The following SRPK1 variants were observed in gnomAD, a reference collection of about 807,000 sequenced individuals.
SRPK1 encodes the protein SRSF protein kinase 1.
In SRPK1, 52 loss-of-function variants were observed where a neutral mutation model predicts 89.5. That is an observed-to-expected ratio of 0.58 (90% CI 0.46 to 0.73). The LOEUF is 0.73. SRPK1 is among the 30% of genes least tolerant of loss of function. SRPK1 has a pLI of 0.00. For synonymous variants in SRPK1, 255 were observed against 270.2 expected (o/e 0.94, Z 0.55); for missense variants, 603 against 780.6 (o/e 0.77, Z 2.71).
rs542305561 is a variant in SRPK1, at chr6:35,840,470, T to TA, written c.1691-2042dup. ...AAAATAAGAATACTAAGGAAAAACT[T>TA]AGACTATAATTTCTAAGAGAGCTTC... On this transcript the variant is annotated intron_variant, in intron 14 of 15. Transcript: ENST00000373825. 1.4e-3 allele frequency among the ~76,000 whole-genome samples: 209 copies of TA among 152,314 alleles called. 3 individuals carry two copies. The highest frequency in any genetic ancestry group is 4.6e-3 in the African/African-American group (193 of 41,578).
chr6:35,854,577 G>A (rs1469293483), intron 13 of SRPK1, among the ~76,000 whole-genome samples: 4 of 152,140 alleles, frequency 2.6e-5, no homozygotes, highest in Non-Finnish European at 5.9e-5. Flanking sequence ...ATTCTGACAT[G>A]TGAGTGGGTC....
At chr6:35,901,914 G>T (rs902867630) in intron 2 of SRPK1, among the ~76,000 whole-genome samples, 1 of 152,002 alleles carries the variant, frequency 6.6e-6, no homozygotes, top group Non-Finnish European at 1.5e-5. Flanking sequence ...TGGAACTAGG[G>T]TCTAACAATA....
At chr6:35,906,855 C>T (rs937678085) in intron 2 of SRPK1, among the ~76,000 whole-genome samples, 1 of 152,102 alleles carries the variant, frequency 6.6e-6, no homozygotes, top group Non-Finnish European at 1.5e-5. Context: ...CTCTAATGGA[C>T]TAAACCACAA....
At position 35,842,738 on chromosome 6, in the gene SRPK1, A is replaced by C. The variant is rs191826119; in HGVS notation, c.1621-134T>G. The C allele has an allele frequency of 9.5e-4, 496 of 520,380 alleles. 1 individual carries two copies. Among genetic ancestry groups the C allele is most frequent in the Non-Finnish European group, 8.7e-4 (273 of 312,476 alleles). The allele number at this position is 520,380 out of a possible 1,614,324, so 32.2% of individuals were successfully genotyped here. On this transcript the variant is annotated intron_variant, in intron 13 of 15. Coordinates refer to ENST00000373825, the MANE Select transcript of SRPK1 (RefSeq NM_003137.5). ...CTTATAGATCATTTAAAAAAAAAAA[A>C]AAACAAAAACTTAAGATTATTCCTA...
intron 2 of SRPK1, chr6:35,919,919 C>T: frequency 2.2e-5 from 8 of 371,930 alleles, no homozygotes; most frequent in South Asian, 1.6e-4. Context: ...CGGCACACTG[C>T]AAAAAAGCCG....
At chr6:35,875,773 T>C (rs1488476568) in intron 6 of SRPK1, among the ~76,000 whole-genome samples, 1 of 152,092 alleles carries the variant, frequency 6.6e-6, no homozygotes, top group Non-Finnish European at 1.5e-5. Flanking sequence ...GAAAAAGGAT[T>C]GTCACAGTGT....
chr6:35,919,686 CA>C (rs1157623871), intron 2 of SRPK1, among the ~76,000 whole-genome samples: 2 of 152,124 alleles, frequency 1.3e-5, no homozygotes, highest in Non-Finnish European at 2.9e-5. Flanking sequence ...AGGCTGTGAC[CA>C]ACTTTTGAAC....
At position 35,870,351 on chromosome 6, in the gene SRPK1, T is replaced by C. The variant is rs769751829; in HGVS notation, c.921A>G (p.Glu307=). The C allele has an allele frequency of 6.2e-6, 10 of 1,612,794 alleles. No homozygotes were observed. Among genetic ancestry groups the C allele is most frequent in the Non-Finnish European group, 5.9e-6 (7 of 1,179,390 alleles). Residue 307 remains glutamate, a synonymous_variant, in exon 10 of 16, where the codon GAA becomes GAG. Coordinates refer to ENST00000373825, the MANE Select transcript of SRPK1 (RefSeq NM_003137.5). ...GPGQKRPNKQ[E]ESESPVERPL... ...GTCTTTCAACAGGACTCTCTGATTC[T>C]TCTTGCTTGTTTGGTCTTTTTTGCC...
intron 14 of SRPK1, 138 bp downstream of exon 14, chr6:35,842,397 T>C: frequency 1.9e-6 from 1 of 529,080 alleles, no homozygotes; most frequent in African/African-American, 2.0e-5. Context: ...AAAATGTCTT[T>C]TATATTTCTA....
At chr6:35,862,907 G>A (rs1365609035) in intron 12 of SRPK1, among the ~76,000 whole-genome samples, 1 of 152,162 alleles carries the variant, frequency 6.6e-6, no homozygotes, top group African/African-American at 2.4e-5. Context: ...GCTCACATCT[G>A]TAATCCTAGC....
At chr6:35,835,681 G>A (rs1015883940) in intron 15 of SRPK1, among the ~76,000 whole-genome samples, 193 bp from the exon 16 acceptor site, 1 of 151,806 alleles carries the variant, frequency 6.6e-6, no homozygotes, top group African/African-American at 2.4e-5. Context: ...TTCTTCATAC[G>A]GCTCCAAAAA....
intron 3 of SRPK1, among the ~76,000 whole-genome samples, chr6:35,889,923 C>T (rs932780833): frequency 4.0e-5 from 6 of 149,410 alleles, no homozygotes; most frequent in Non-Finnish European, 7.4e-5. Context: ...ACGGTGAAAC[C>T]CTGTGTCTAC....
In SRPK1 at chr6:35,842,726, T is replaced by TAA. The variant is rs1190520802; in HGVS notation, c.1621-124_1621-123dup. 813 of 381,068 alleles carry TAA rather than the reference T, an allele frequency of 2.1e-3. 1 individual carries two copies. Among genetic ancestry groups the TAA allele is most frequent in the East Asian group, 0.02 (495 of 24,934 alleles). 23.6% of individuals were successfully genotyped at this position (381,068 alleles called of 1,614,324 possible). ...CCCTTGGGAAAACTTATAGATCATTTAAAAAAAAAAAAAAACAAAAACTTA... is the reference window on the plus strand; with the variant it reads ...CCCTTGGGAAAACTTATAGATCATTTAAAAAAAAAAAAAAAAACAAAAACTTA... On this transcript the variant is annotated intron_variant, in intron 13 of 15. Transcript: ENST00000373825.
At position 35,835,296 on chromosome 6, in the gene SRPK1, G is replaced by A; in HGVS notation, c.*8C>T. ...TGTGTGATCTCTGCTGTGGTGCTGG[G>A]CAGGGGCTTAGGAGTTAAGCCAAGG... On this transcript the variant is annotated 3_prime_UTR_variant, in exon 16 of 16. Coordinates refer to ENST00000373825, the MANE Select transcript of SRPK1 (RefSeq NM_003137.5). 6.2e-7 allele frequency: 1 copy of A among 1,611,200 alleles called. No individual in the cohort carries two copies. Among genetic ancestry groups the A allele is most frequent in the Non-Finnish European group, 8.5e-7 (1 of 1,178,398 alleles).
Position 35,870,799 on chromosome 6 carries a change from G to A in SRPK1, c.777+135C>T, listed in dbSNP as rs1770020090. 1.5e-5 allele frequency: 12 copies of A among 779,066 alleles called. 1 individual carries two copies. In the South Asian group the frequency reaches 2.4e-4, roughly 16 times the overall value. 48.3% of individuals were successfully genotyped at this position (779,066 alleles called of 1,614,324 possible). A position where few individuals can be genotyped will look rare whatever the true frequency, so the allele number is the denominator to read the frequency against. ...TGAAGGTGCATGGGAATTTACTGGA[G>A]AAAATTATAGAAGCGCAGGAATTTT... On this transcript the variant is annotated intron_variant, in intron 9 of 15. Coordinates refer to ENST00000373825, the MANE Select transcript of SRPK1 (RefSeq NM_003137.5).
chr6:35,854,637 C>T (rs1769629160), intron 13 of SRPK1, among the ~76,000 whole-genome samples: 1 of 152,104 alleles, frequency 6.6e-6, no homozygotes, highest in Admixed American at 6.5e-5. Context: ...AGCCTTACTT[C>T]TTAAGCCTGA....
intron 2 of SRPK1, among the ~76,000 whole-genome samples, chr6:35,911,881 CCT>C (rs1187041269): frequency 6.6e-6 from 1 of 152,056 alleles, no homozygotes; most frequent in Non-Finnish European, 1.5e-5. Context: ...GAAATAAGTT[CCT>C]CTGTGGGTTA....
intron 13 of SRPK1, among the ~76,000 whole-genome samples, chr6:35,848,656 C>A (rs761214052): frequency 2.0e-5 from 3 of 152,114 alleles, no homozygotes; most frequent in African/African-American, 7.2e-5. Context: ...AAAAAGCAGA[C>A]GCATAGACCA....
chr6:35,838,959 T>C (rs1769242217), intron 14 of SRPK1: 9 of 675,704 alleles, frequency 1.3e-5, no homozygotes, highest in South Asian at 1.9e-5. Context: ...TTTCAGGTGG[T>C]TGGTCACCCG....
Sources: allele counts gnomAD v4.1 joint callset (sites outside exome capture counted in the v4.1 genomes callset), GRCh38; gene constraint gnomAD v4.1.1; transcripts MANE v1.5; gene names NCBI Gene and HGNC (gene_info 2026-07-23, HGNC 2026-07-21).